The following KIAA0825 variants were observed in gnomAD, a reference collection of about 807,000 sequenced individuals.
KIAA0825 encodes uncharacterized protein KIAA0825.
A neutral mutation model predicts 147.6 loss-of-function variants in KIAA0825; 119 were observed. The ratio of observed to expected loss-of-function variants is 0.81; its 90% CI spans 0.69 to 0.94. KIAA0825 has a LOEUF of 0.94. Among genes scored for constraint, KIAA0825 ranks in the 40% least tolerant of loss-of-function variants. The pLI, the probability that KIAA0825 is intolerant of heterozygous loss-of-function variation, is 0.00. For missense variants in KIAA0825, 1,381 were observed against 1,472.7 expected (o/e 0.94, Z 1.02); for synonymous variants, 470 against 518.1 (o/e 0.91, Z 1.26).
intron 3 of KIAA0825, among the ~76,000 whole-genome samples, chr5:94,532,295 G>A (rs548414962): frequency 6.6e-6 from 1 of 152,006 alleles, no homozygotes; most frequent in African/African-American, 2.4e-5. Context: ...CCACAGGGGT[G>A]AGCCACCACA....
chr5:94,259,091 G>T (rs543895972), intron 20 of KIAA0825, among the ~76,000 whole-genome samples: 48 of 152,026 alleles, frequency 3.2e-4, no homozygotes, highest in African/African-American at 1.2e-3. Flanking sequence ...TTTCAATTTT[G>T]CTAGGTAGTT....
chr5:94,172,683 C>A (rs925787859), intron 20 of KIAA0825, among the ~76,000 whole-genome samples: 2 of 151,910 alleles, frequency 1.3e-5, no homozygotes, highest in African/African-American at 4.8e-5. Flanking sequence ...TTTTGTTTGA[C>A]TCATGATTTT....
intron 20 of KIAA0825, among the ~76,000 whole-genome samples, chr5:94,383,967 C>A (rs538635024): frequency 6.6e-6 from 1 of 151,962 alleles, no homozygotes; most frequent in African/African-American, 2.4e-5. Context: ...GCATTTTATA[C>A]GCATTCATTA....
At chr5:94,174,368 A>G (rs1768895258) in intron 20 of KIAA0825, among the ~76,000 whole-genome samples, 1 of 152,082 alleles carries the variant, frequency 6.6e-6, no homozygotes, top group African/African-American at 2.4e-5. Flanking sequence ...TGCAAATCCA[A>G]GTAAATATAT....
chr5:94,324,709 C>T (rs1234576889), intron 20 of KIAA0825, among the ~76,000 whole-genome samples: 1 of 151,712 alleles, frequency 6.6e-6, no homozygotes, highest in African/African-American at 2.4e-5. Flanking sequence ...CAATGAAAGT[C>T]AAATTTTTTA....
At chr5:94,435,300 C>T in intron 14 of KIAA0825, among the ~76,000 whole-genome samples, 1 of 119,100 alleles carries the variant, frequency 8.4e-6, no homozygotes, top group East Asian at 3.0e-4. Flanking sequence ...CCCCACCCTC[C>T]AACAGGCCCC....
At chr5:94,562,205 G>A (rs1403867126) in intron 2 of KIAA0825, among the ~76,000 whole-genome samples, 1 of 152,098 alleles carries the variant, frequency 6.6e-6, no homozygotes, top group Admixed American at 6.5e-5. Flanking sequence ...TACAGCCTTT[G>A]TAGTATACTT....
At position 94,594,012 on chromosome 5, in the gene KIAA0825, T is replaced by C; in HGVS notation, c.-152-11429A>G. 3 of 507,238 alleles carry C rather than the reference T, an allele frequency of 5.9e-6. No homozygotes were observed. In the East Asian group the frequency reaches 1.6e-4, roughly 28 times the overall value. 31.4% of individuals were successfully genotyped at this position (507,238 alleles called of 1,614,324 possible). A position where few individuals can be genotyped will look rare whatever the true frequency, so the allele number is the denominator to read the frequency against. On this transcript the variant is annotated intron_variant, in intron 1 of 20. Transcript: ENST00000682413. ...TTCCATTCAGAATTTTTAACTATGA[T>C]CCACCTCAAAGGGATGAAGTTTTTG...
Position 94,384,599 on chromosome 5 carries a change from CAT to C in KIAA0825, c.3620-143_3620-142del, listed in dbSNP as rs1748894638. 4.4e-5 allele frequency: 26 copies of C among 584,924 alleles called. 1 individual carries two copies. In the South Asian group the frequency reaches 5.9e-4, roughly 13 times the overall value. The allele number at this position is 584,924 out of a possible 1,614,324, so 36.2% of individuals were successfully genotyped here. ...AAGGACTTAGACAGATAACATCAAT[CAT>C]GTCCACAGAAGAAGGTTTTTATTCC... On this transcript the variant is annotated intron_variant, in intron 19 of 20. Coordinates refer to ENST00000682413, the MANE Select transcript of KIAA0825 (RefSeq NM_001145678.3).
At chr5:94,503,372 C>A (rs930141970) in intron 5 of KIAA0825, among the ~76,000 whole-genome samples, 1 of 152,158 alleles carries the variant, frequency 6.6e-6, no homozygotes, top group African/African-American at 2.4e-5. Context: ...ATAAAGCTTT[C>A]ATTTTCACAA....
At chr5:94,373,663 A>G (rs1433654185) in intron 20 of KIAA0825, among the ~76,000 whole-genome samples, 1 of 152,174 alleles carries the variant, frequency 6.6e-6, no homozygotes, top group Non-Finnish European at 1.5e-5. Flanking sequence ...CCATGATTCA[A>G]CTACCTCCCA....
intron 5 of KIAA0825, among the ~76,000 whole-genome samples, chr5:94,514,468 T>C (rs1222004070): frequency 6.6e-6 from 1 of 152,002 alleles, no homozygotes; most frequent in Non-Finnish European, 1.5e-5. Flanking sequence ...AACAGAAAAA[T>C]TGGGATCTAA....
chr5:94,505,361 T>TAA (rs530402018), intron 5 of KIAA0825, among the ~76,000 whole-genome samples: 12 of 136,108 alleles, frequency 8.8e-5, no homozygotes, highest in Non-Finnish European at 9.6e-5. Context: ...ACTCTGTCTT[T>TAA]AAAAAAAAAA....
intron 5 of KIAA0825, among the ~76,000 whole-genome samples, chr5:94,501,934 T>C (rs1186389016): frequency 1.3e-5 from 2 of 152,204 alleles, no homozygotes; most frequent in Non-Finnish European, 2.9e-5. Flanking sequence ...AATCATATAA[T>C]ACATATGTCA....
rs1465150116 is a variant in KIAA0825 at position 94,508,922 on chromosome 5, T to G, written c.970+11326A>C. 2.0e-5 allele frequency among the ~76,000 whole-genome samples: 3 copies of G among 152,196 alleles called. No individual in the cohort carries two copies. In the South Asian group the frequency reaches 6.2e-4, roughly 32 times the overall value. ...TATTTTCTTCAGAATGATGCCCAAC[T>G]CTGTTGGGAATGAGCAATCATGAAA... On this transcript the variant is annotated intron_variant, in intron 5 of 20. Coordinates refer to ENST00000682413, the MANE Select transcript of KIAA0825 (RefSeq NM_001145678.3).
chr5:94,345,919 C>T (rs925249431), intron 20 of KIAA0825, among the ~76,000 whole-genome samples: 2 of 151,990 alleles, frequency 1.3e-5, no homozygotes, highest in African/African-American at 2.4e-5. Flanking sequence ...GCAGGGGGTA[C>T]GTGACTGGGG....
At chr5:94,260,225 C>T (rs1481654461) in intron 20 of KIAA0825, among the ~76,000 whole-genome samples, 1 of 151,998 alleles carries the variant, frequency 6.6e-6, no homozygotes, top group African/African-American at 2.4e-5. Flanking sequence ...GTATTAGAGA[C>T]AAAACATTGC....
At chr5:94,418,378 A>G (rs1753744181) in intron 14 of KIAA0825, among the ~76,000 whole-genome samples, 1 of 152,004 alleles carries the variant, frequency 6.6e-6, no homozygotes, top group African/African-American at 2.4e-5. Context: ...CCTAATACCC[A>G]TTTTCTTTCT....
At chr5:94,411,527 CA>C in intron 15 of KIAA0825, among the ~76,000 whole-genome samples, 1 of 152,114 alleles carries the variant, frequency 6.6e-6, no homozygotes, top group East Asian at 1.9e-4. Context: ...TCACTATACA[CA>C]AAAATCCATC....
Sources: gnomAD v4.1 joint callset for allele counts (sites outside exome capture counted in the v4.1 genomes callset) on GRCh38, gnomAD v4.1.1 for gene constraint, MANE v1.5 for transcripts, NCBI Gene and HGNC (gene_info 2026-07-23, HGNC 2026-07-21) for gene names.